BAZ2B: variants seen among roughly 807,000 people sequenced by gnomAD.
BAZ2B encodes the protein bromodomain adjacent to zinc finger domain protein 2B.
In BAZ2B, 91 loss-of-function variants were observed where a neutral mutation model predicts 246.0. That is an observed-to-expected ratio of 0.37 (90% confidence interval 0.31 to 0.44). The LOEUF (loss-of-function observed/expected upper bound fraction) is 0.44, where lower values mean the gene tolerates loss of function less well. Among genes scored for constraint, BAZ2B ranks in the 20% least tolerant of loss-of-function variants. BAZ2B has a pLI of 1.00. For missense variants in BAZ2B, 2,332 were observed against 2,533.7 expected (o/e 0.92, Z 1.71); for synonymous variants, 855 against 860.0 (o/e 0.99, Z 0.10).
At chr2:159,516,856 G>A (rs1031367797) in intron 2 of BAZ2B, among the ~76,000 whole-genome samples, 16 of 152,054 alleles carry the variant, frequency 1.1e-4, no homozygotes, top group Non-Finnish European at 4.4e-5. Context: ...CACATGATAG[G>A]AATGCTTGAA....
At chr2:159,370,038 G>A (rs1422859493) in intron 27 of BAZ2B, among the ~76,000 whole-genome samples, 1 of 152,104 alleles carries the variant, frequency 6.6e-6, no homozygotes, top group East Asian at 1.9e-4. Flanking sequence ...GATGAAGCTG[G>A]AAACCATCAT....
At position 159,324,971 on chromosome 2, in the gene BAZ2B, T is replaced by C; in HGVS notation, c.6210-17A>G. On this transcript the variant is annotated splice_polypyrimidine_tract_variant and intron_variant, in intron 35 of 36. Transcript: ENST00000392783. ...AGAATCATACTAAAGAAAATAATGTTTGAAATCAGTATCCATACTTTACAA... is the reference window on the plus strand; with the variant it reads ...AGAATCATACTAAAGAAAATAATGTCTGAAATCAGTATCCATACTTTACAA... 6.7e-7 allele frequency: 1 copy of C among 1,487,376 alleles called. No homozygotes were observed. The highest frequency in any genetic ancestry group is 8.9e-7 in the Non-Finnish European group (1 of 1,129,458). 92.1% of individuals were successfully genotyped at this position (1,487,376 alleles called of 1,614,324 possible).
Position 159,337,691 on chromosome 2 carries a change from CCTTGCACAATTTAGTAAAT to C in BAZ2B, c.5517_5535del (p.Phe1840SerfsTer17), listed in dbSNP as rs755948740. The C allele has an allele frequency of 5.0e-6, 8 of 1,614,080 alleles. No individual in the cohort carries two copies. On this transcript the variant is annotated frameshift_variant, in exon 32 of 37. Transcript: ENST00000392783. LOFTEE classifies it high-confidence loss of function. ...TCGCCAGTAAATTCTCCATCATGCT[CCTTGCACAATTTAGTAAAT>C]GATTTATGTTCAAAATATACCAAGT...
chr2:159,498,282 A>G (rs1237683191), intron 2 of BAZ2B, among the ~76,000 whole-genome samples: 1 of 152,220 alleles, frequency 6.6e-6, no homozygotes, highest in Non-Finnish European at 1.5e-5. Flanking sequence ...AAAAAGCTCA[A>G]TAAAAGTCAA....
intron 1 of BAZ2B, among the ~76,000 whole-genome samples, chr2:159,610,767 A>G (rs1694553144): frequency 1.3e-5 from 2 of 152,150 alleles, no homozygotes; most frequent in African/African-American, 4.8e-5. Context: ...TTATCTTTTA[A>G]AACAAATTGA....
chr2:159,592,789 TGA>T (rs1281997253), intron 1 of BAZ2B, among the ~76,000 whole-genome samples: 2 of 152,194 alleles, frequency 1.3e-5, no homozygotes, highest in African/African-American at 4.8e-5. Context: ...AGCCACCTCT[TGA>T]GAGATCTTAA....
intron 2 of BAZ2B, among the ~76,000 whole-genome samples, chr2:159,515,685 T>C (rs1437090554): frequency 6.6e-6 from 1 of 152,082 alleles, no homozygotes; most frequent in African/African-American, 2.4e-5. Context: ...TAAATGATTG[T>C]CCCAAGACCA....
At chr2:159,465,361 G>T (rs2076912266) in intron 3 of BAZ2B, among the ~76,000 whole-genome samples, 1 of 152,166 alleles carries the variant, frequency 6.6e-6, no homozygotes, top group South Asian at 2.1e-4. Context: ...TCTAAGTAAG[G>T]TCACATTCTG....
At chr2:159,442,720 G>A (rs2073650394) in intron 6 of BAZ2B, among the ~76,000 whole-genome samples, 1 of 152,074 alleles carries the variant, frequency 6.6e-6, no homozygotes, top group Admixed American at 6.6e-5. Flanking sequence ...ATTCTGATGA[G>A]TCTAAGTACC....
chr2:159,526,270 C>A lies in BAZ2B; in HGVS notation c.-3+29553G>T, dbSNP rs60740736. On this transcript the variant is annotated intron_variant, in intron 2 of 36. Coordinates refer to ENST00000392783, the MANE Select transcript of BAZ2B (RefSeq NM_013450.4). Reference sequence around the variant, plus strand: ...GAGCAGAAATCTTTTATGCATTGATCACATAAACTGGTACAATTATATAGA... The same window carrying A: ...GAGCAGAAATCTTTTATGCATTGATAACATAAACTGGTACAATTATATAGA... Among the ~76,000 whole-genome samples the A allele has an allele frequency of 2.8e-3, 419 of 152,160 alleles. 4 individuals carry two copies. Among genetic ancestry groups the A allele is most frequent in the African/African-American group, 9.5e-3 (394 of 41,530 alleles).
the BAZ2B span, among the ~76,000 whole-genome samples, chr2:159,708,526 T>C: frequency 6.6e-6 from 1 of 151,376 alleles, no homozygotes; most frequent in Non-Finnish European, 1.5e-5. Context: ...TGGTATTCTC[T>C]TTACGTGTTT....
intron 2 of BAZ2B, among the ~76,000 whole-genome samples, chr2:159,521,478 G>A (rs2084124710): frequency 6.6e-6 from 1 of 152,022 alleles, no homozygotes; most frequent in Admixed American, 6.5e-5. Context: ...TTCTGCAGAA[G>A]AACAGACATT....
At chr2:159,477,326 AAT>A (rs911131587) in intron 3 of BAZ2B, among the ~76,000 whole-genome samples, 18 of 151,560 alleles carry the variant, frequency 1.2e-4, no homozygotes, top group Non-Finnish European at 2.2e-4. Flanking sequence ...AAAATTAAAA[AAT>A]ATATATATAT....
At chr2:159,396,386 TTTAG>T (rs1467005234) in intron 19 of BAZ2B, 2 of 152,188 alleles carry the variant, frequency 1.3e-5, no homozygotes, top group Non-Finnish European at 2.9e-5. Context: ...TTTATACCAA[TTTAG>T]TTAAACTAGT....
chr2:159,567,209 C>T (rs1682834198), intron 1 of BAZ2B, among the ~76,000 whole-genome samples: 1 of 152,136 alleles, frequency 6.6e-6, no homozygotes, highest in Admixed American at 6.5e-5. Context: ...CACCACTGCA[C>T]TCCAGCCTGG....
At chr2:159,415,296 T>G (rs1203065372) in intron 13 of BAZ2B, among the ~76,000 whole-genome samples, 1 of 151,708 alleles carries the variant, frequency 6.6e-6, no homozygotes, top group Non-Finnish European at 1.5e-5. Context: ...AATACAAAAA[T>G]TAGCCGGGCG....
chr2:159,557,213 CTAAT>C (rs1411371568), intron 1 of BAZ2B, among the ~76,000 whole-genome samples: 4 of 138,420 alleles, frequency 2.9e-5, no homozygotes, highest in Admixed American at 1.6e-4. Flanking sequence ...CTACACCTGG[CTAAT>C]TAATTTTTTT....
intron 2 of BAZ2B, among the ~76,000 whole-genome samples, chr2:159,543,950 G>T (rs2151399990): frequency 6.6e-6 from 1 of 152,350 alleles, no homozygotes; most frequent in Middle Eastern, 3.4e-3. Flanking sequence ...GGATCTGGCT[G>T]ATATGACTCA....
At chr2:159,602,961 AC>A (rs1692510813) in intron 1 of BAZ2B, among the ~76,000 whole-genome samples, 1 of 152,216 alleles carries the variant, frequency 6.6e-6, no homozygotes, top group East Asian at 1.9e-4. Context: ...ATATAGTGAA[AC>A]CCAATGTCTA....
Sources: gnomAD v4.1 joint callset for allele counts (sites outside exome capture counted in the v4.1 genomes callset) on GRCh38, gnomAD v4.1.1 for gene constraint, MANE v1.5 for transcripts, NCBI Gene and HGNC (gene_info 2026-07-23, HGNC 2026-07-21) for gene names.